CDC42BPB: variants seen among roughly 807,000 people sequenced by gnomAD.
CDC42BPB encodes the protein CDC42 binding protein kinase beta, also known as serine/threonine-protein kinase MRCK beta.
Under a neutral mutation model 214.9 loss-of-function variants are expected in CDC42BPB, and 37 were observed. That is an observed-to-expected ratio of 0.17 (90% CI 0.13 to 0.23). The LOEUF (loss-of-function observed/expected upper bound fraction) is 0.23. CDC42BPB is among the 10% of genes least tolerant of loss of function. The pLI, the probability that CDC42BPB is intolerant of heterozygous loss-of-function variation, is 1.00. For missense variants in CDC42BPB, 1,694 were observed against 2,227.0 expected (o/e 0.76, Z 4.82); for synonymous variants, 931 against 884.0 (o/e 1.05, Z -0.94).
intron 1 of CDC42BPB, among the ~76,000 whole-genome samples, chr14:103,050,371 T>G (rs1185705092): frequency 6.6e-6 from 1 of 152,244 alleles, no homozygotes; most frequent in Non-Finnish European, 1.5e-5. Context: ...GTTAGAGGGC[T>G]GTTTGCCCAG....
chr14:102,937,960 C>A (rs936756597), intron 36 of CDC42BPB, 144 bp downstream of exon 36: 4 of 863,884 alleles, frequency 4.6e-6, no homozygotes, highest in Non-Finnish European at 7.8e-6. Context: ...ACAGCCACCC[C>A]GACCCCTGCC....
intron 36 of CDC42BPB, among the ~76,000 whole-genome samples, chr14:102,934,722 C>A (rs1163802351): frequency 1.3e-5 from 2 of 151,530 alleles, no homozygotes; most frequent in Non-Finnish European, 2.9e-5. Context: ...CCCCTAAGAT[C>A]AGCCACGGGC....
At chr14:103,049,418 AC>A (rs1888482844) in intron 1 of CDC42BPB, among the ~76,000 whole-genome samples, 1 of 152,248 alleles carries the variant, frequency 6.6e-6, no homozygotes, top group South Asian at 2.1e-4. Context: ...CGTCAACTTC[AC>A]GTGAGAGAAA....
At chr14:102,955,368 C>T (rs771354962) in intron 21 of CDC42BPB, among the ~76,000 whole-genome samples, 1 of 152,110 alleles carries the variant, frequency 6.6e-6, no homozygotes, top group Non-Finnish European at 1.5e-5. Flanking sequence ...TGCAGTGAGC[C>T]GAGATCAAGT....
intron 1 of CDC42BPB, among the ~76,000 whole-genome samples, chr14:103,031,400 T>C (rs1164529552): frequency 6.6e-6 from 1 of 152,170 alleles, no homozygotes; most frequent in Non-Finnish European, 1.5e-5. Context: ...GCTTTCCAAA[T>C]AATCAATAAA....
intron 5 of CDC42BPB, among the ~76,000 whole-genome samples, chr14:102,995,964 T>A (rs1053494135): frequency 6.6e-6 from 1 of 152,192 alleles, no homozygotes; most frequent in Non-Finnish European, 1.5e-5. Context: ...ATGAGTTAAT[T>A]TGGGGGGAAA....
chr14:103,043,886 A>G (rs965183676), intron 1 of CDC42BPB, among the ~76,000 whole-genome samples: 5 of 152,210 alleles, frequency 3.3e-5, no homozygotes, highest in African/African-American at 1.2e-4. Flanking sequence ...TAAAAAAAAT[A>G]ATTAAATATT....
At chr14:102,983,880 G>A in intron 6 of CDC42BPB, 124 bp from the exon 7 acceptor site, 4 of 1,457,206 alleles carry the variant, frequency 2.7e-6, no homozygotes, top group Non-Finnish European at 3.6e-6. Context: ...ACTGATGAAT[G>A]ATCGTGTTTT....
rs1217960770 is a variant in CDC42BPB at position 102,983,720 on chromosome 14, T to C, written c.727A>G (p.Ile243Val). ...ATCGCCTGCAGGATCTCCGGCGAGA[T>C]GTAGTCAGGTGTGCCCACGGCCACG... ...SSVAVGTPDYISPEILQAMED... is the reference protein window; with the variant it reads ...SSVAVGTPDYVSPEILQAMED... Residue 243 changes from isoleucine (I) to valine (V), a missense_variant, in exon 7 of 37, where the codon ATC (isoleucine) becomes GTC (valine). Transcript: ENST00000361246. 6.2e-7 allele frequency: 1 copy of C among 1,613,754 alleles called. No homozygotes were observed. Among genetic ancestry groups the C allele is most frequent in the Non-Finnish European group, 8.5e-7 (1 of 1,180,036 alleles).
chr14:102,947,651 A>G, intron 27 of CDC42BPB, 70 bp downstream of exon 27: 1 of 1,347,606 alleles, frequency 7.4e-7, no homozygotes, highest in South Asian at 1.2e-5. Context: ...CTGCCGCAGC[A>G]CAATGACATG....
intron 1 of CDC42BPB, among the ~76,000 whole-genome samples, chr14:103,038,038 AAAG>A (rs1164065014): frequency 2.1e-5 from 3 of 145,802 alleles, no homozygotes; most frequent in Non-Finnish European, 4.5e-5. Flanking sequence ...CAAAAAAAAA[AAAG>A]AATTTTAAAA....
intron 21 of CDC42BPB, among the ~76,000 whole-genome samples, chr14:102,958,233 T>C (rs1011258322): frequency 1.3e-5 from 2 of 152,190 alleles, no homozygotes; most frequent in African/African-American, 2.4e-5. Context: ...ACACTGTGGT[T>C]ATGTGAGAGA....
At chr14:102,939,064 G>C (rs1376053191) in intron 34 of CDC42BPB, among the ~76,000 whole-genome samples, 1 of 152,018 alleles carries the variant, frequency 6.6e-6, no homozygotes, top group Non-Finnish European at 1.5e-5. Context: ...AGCCTCCCCA[G>C]TAGCTGGGAC....
rs149925910 is a variant in CDC42BPB at position 102,981,835 on chromosome 14, A to C, written c.892-814T>G. On this transcript the variant is annotated intron_variant, in intron 7 of 36. Coordinates refer to ENST00000361246, the MANE Select transcript of CDC42BPB (RefSeq NM_006035.4). ...AACATGTCTGTGTGCTGCTATAGAA[A>C]GACACCACAGATACAATGACAAAAA... is the stretch of plus-strand genomic sequence containing the variant. Among the ~76,000 whole-genome samples the C allele has an allele frequency of 5.5e-4, 84 of 152,348 alleles. 1 individual carries two copies. The highest frequency in any genetic ancestry group is 6.8e-3 in the Middle Eastern group (2 of 294).
rs1894969107 is a variant in CDC42BPB at position 103,001,307 on chromosome 14, C to CGAG, written c.448-1597_448-1595dup. Among the ~76,000 whole-genome samples the CGAG allele has an allele frequency of 6.6e-6, 1 of 152,186 alleles. No individual in the cohort carries two copies. The highest frequency in any genetic ancestry group is 2.1e-4 in the South Asian group (1 of 4,828). ...AGGGGTGCTGGCATGCACGAGACAGCGAGGTCCCTGGCTCAGCAGAGCTCA... is the reference window on the plus strand; with the variant it reads ...AGGGGTGCTGGCATGCACGAGACAGCGAGGAGGTCCCTGGCTCAGCAGAGCTCA... On this transcript the variant is annotated intron_variant, in intron 4 of 36. Transcript: ENST00000361246. This position sits in a 1 kb window ranked among gnomAD's most constrained non-coding sequence, Gnocchi z 5.8.
At chr14:102,958,671 G>A (rs1322454245) in intron 21 of CDC42BPB, among the ~76,000 whole-genome samples, 1 of 152,018 alleles carries the variant, frequency 6.6e-6, no homozygotes, top group African/African-American at 2.4e-5. Context: ...CCAAGTAGAT[G>A]ACCAGCGGCT....
rs1386494961 is a variant in CDC42BPB at position 102,966,401 on chromosome 14, C to G, written c.2472-14G>C. The stretch of plus-strand genomic sequence containing the variant: ...TCGTCACTGACCCTGGAGGAGGGAA[C>G]AGATGTTCTATCTCACGAAGCATGG... On this transcript the variant is annotated splice_polypyrimidine_tract_variant and intron_variant, in intron 17 of 36. Coordinates refer to ENST00000361246, the MANE Select transcript of CDC42BPB (RefSeq NM_006035.4). 3.1e-6 allele frequency: 5 copies of G among 1,612,272 alleles called. No homozygotes were observed. The highest frequency in any genetic ancestry group is 2.7e-5 in the African/African-American group (2 of 74,898).
At chr14:103,017,509 A>G (rs1433963158) in intron 1 of CDC42BPB, among the ~76,000 whole-genome samples, 1 of 152,176 alleles carries the variant, frequency 6.6e-6, no homozygotes, top group Admixed American at 6.5e-5. Context: ...AAATCAAGCA[A>G]TCAGAGCGGC....
chr14:103,003,976 G>A lies in CDC42BPB; in HGVS notation c.399C>T (p.Cys133=). The stretch of plus-strand genomic sequence containing the variant: ...CGTAGTGCAGCGCGGTGATCCACTG[G>A]CAGTCGCCGTTCACCAGCACATCGC... The part of the protein sequence containing the change: ...EERDVLVNGD[C]QWITALHYAF... Residue 133 remains cysteine, a synonymous_variant, in exon 4 of 37, where the codon TGC becomes TGT. Coordinates refer to ENST00000361246, the MANE Select transcript of CDC42BPB (RefSeq NM_006035.4). 6.2e-7 allele frequency: 1 copy of A among 1,610,970 alleles called. No individual in the cohort carries two copies.
Sources: gnomAD v4.1 joint callset for allele counts (sites outside exome capture counted in the v4.1 genomes callset) on GRCh38, gnomAD v4.1.1 for gene constraint, Gnocchi (gnomAD v3.1) non-coding constraint, MANE v1.5 for transcripts, NCBI Gene and HGNC (gene_info 2026-07-23, HGNC 2026-07-21) for gene names.